SPATA3: variants seen among roughly 807,000 people sequenced by gnomAD.
SPATA3 encodes the protein spermatogenesis associated 3, also known as spermatogenesis-associated protein 3.
A neutral mutation model predicts 5.7 loss-of-function variants in SPATA3; 6 were observed. The ratio of observed to expected loss-of-function variants is 1.06; its 90% confidence interval spans 0.58 to 2.09. The LOEUF (loss-of-function observed/expected upper bound fraction) is 2.09. SPATA3 is among the 30% of genes most tolerant of loss of function. SPATA3 has a pLI of 0.00. For synonymous variants in SPATA3, 44 were observed against 48.4 expected, an observed-to-expected ratio of 0.91 and a Z score of 0.37; for missense variants, 155 against 130.4, an observed-to-expected ratio of 1.19 and a Z score of -0.92.
chr2:230,996,529 A>G (rs1692129738), intron 1 of SPATA3: 2 of 1,551,704 alleles, frequency 1.3e-6, no homozygotes, highest in Non-Finnish European at 8.7e-7. Flanking sequence ...CAATCCAGGA[A>G]AGCAGGTGGG....
chr2:230,999,489 AAGC>A (rs1176401023), intron 1 of SPATA3: 1 of 152,192 alleles, frequency 6.6e-6, no homozygotes, highest in Non-Finnish European at 1.5e-5. Context: ...GGGCAAGTCT[AAGC>A]AGAAAGTGTA....
At chr2:231,006,627 G>C (rs79664020), downstream of SPATA3, 1 of 152,250 alleles carries the variant, frequency 6.6e-6, no homozygotes, top group Non-Finnish European at 1.5e-5. Context: ...AGGGGAGGGC[G>C]ATGGAGGTGC....
At chr2:231,004,989 C>T (rs923350938), downstream of SPATA3, among the ~76,000 whole-genome samples, 40 of 85,494 alleles carry the variant, frequency 4.7e-4, no homozygotes, top group African/African-American at 1.7e-3. Flanking sequence ...ATCCTCATCA[C>T]CATCCTCACC....
At chr2:231,005,295 T>TCAC (rs1692542387), downstream of SPATA3, among the ~76,000 whole-genome samples, 1 of 48,562 alleles carries the variant, frequency 2.1e-5, no homozygotes, top group African/African-American at 8.7e-5. Flanking sequence ...ATCATCACCA[T>TCAC]CACCACCACC....
downstream of SPATA3, chr2:231,002,966 C>A: frequency 2.3e-6 from 1 of 434,934 alleles, no homozygotes; most frequent in Admixed American, 4.1e-5. Context: ...TAGGGAAGAC[C>A]TGATGCTCTC....
chr2:230,996,422 C>T (rs530890907), intron 1 of SPATA3: 1 of 1,552,288 alleles, frequency 6.4e-7, no homozygotes, highest in Non-Finnish European at 8.7e-7. Flanking sequence ...TTGAAACCAC[C>T]TCCCGGCAGC....
At chr2:231,000,866 G>A (rs1426593533) in intron 2 of SPATA3, among the ~76,000 whole-genome samples, 1 of 152,204 alleles carries the variant, frequency 6.6e-6, no homozygotes, top group Non-Finnish European at 1.5e-5. Context: ...GCCCTTCACA[G>A]AGTCGCTCAG....
downstream of SPATA3, among the ~76,000 whole-genome samples, chr2:231,009,705 G>A (rs1021748520): frequency 2.0e-5 from 3 of 152,176 alleles, no homozygotes; most frequent in Non-Finnish European, 2.9e-5. Context: ...TCATCCTGCC[G>A]AGTGCAGTTC....
At chr2:231,003,229 A>G (rs543070269), downstream of SPATA3, among the ~76,000 whole-genome samples, 1 of 152,254 alleles carries the variant, frequency 6.6e-6, no homozygotes, top group African/African-American at 2.4e-5. Flanking sequence ...CCCAACTTCA[A>G]TGACGTCTTC....
chr2:231,019,102 G>A (rs62193675), intron 6 of SPATA3, among the ~76,000 whole-genome samples: 11,026 of 148,608 alleles, frequency 0.074, 530 homozygotes, highest in Non-Finnish European at 0.1. Flanking sequence ...GAGTAGCTGC[G>A]ACTACAGGCG....
downstream of SPATA3, among the ~76,000 whole-genome samples, chr2:231,007,596 T>C (rs78168203): frequency 8.8e-3 from 1,339 of 152,362 alleles, 25 homozygotes; most frequent in African/African-American, 0.031. Context: ...ATAGGAGGAA[T>C]GTGCCGGTTC....
At chr2:231,006,019 AAAG>A (rs1474916436), downstream of SPATA3, among the ~76,000 whole-genome samples, 1 of 150,238 alleles carries the variant, frequency 6.7e-6, no homozygotes, top group Non-Finnish European at 1.5e-5. Flanking sequence ...AAAAAAAGAG[AAAG>A]AAGAAGAAAA....
At chr2:231,008,088 T>G (rs1692688535), downstream of SPATA3, among the ~76,000 whole-genome samples, 1 of 152,084 alleles carries the variant, frequency 6.6e-6, no homozygotes. Flanking sequence ...CAGTGGCCAT[T>G]GAGGGCAGCT....
chr2:231,002,808 C>T (rs901653297), downstream of SPATA3: 1 of 1,429,920 alleles, frequency 7.0e-7, no homozygotes, highest in African/African-American at 1.5e-5. Context: ...GAACAAGCCC[C>T]TAGGCCCACA....
chr2:230,997,427 C>A (rs924737737), intron 1 of SPATA3, among the ~76,000 whole-genome samples: 1 of 152,158 alleles, frequency 6.6e-6, no homozygotes, highest in Admixed American at 6.5e-5. Context: ...ATGTCTTTAT[C>A]AGCAGTGTGA....
At chr2:231,009,879 A>T (rs781241467), downstream of SPATA3, among the ~76,000 whole-genome samples, 6 of 152,234 alleles carry the variant, frequency 3.9e-5, no homozygotes, top group Non-Finnish European at 8.8e-5. Context: ...TTGTATTCAG[A>T]GTGTGGTATA....
At chr2:231,017,927 C>CA (rs780601772) in intron 6 of SPATA3, among the ~76,000 whole-genome samples, 5 of 134,516 alleles carry the variant, frequency 3.7e-5, no homozygotes, top group Non-Finnish European at 8.1e-5. Flanking sequence ...GATAGAGAAA[C>CA]TTTTTTTTTT....
At chr2:231,019,183 A>C (rs894169026) in intron 6 of SPATA3, among the ~76,000 whole-genome samples, 32 of 150,472 alleles carry the variant, frequency 2.1e-4, no homozygotes, top group South Asian at 6.3e-4. Flanking sequence ...GTTAGCCAGG[A>C]TGGTCTCGAT....
At chr2:231,005,595 T>TCAC (rs1692594494), downstream of SPATA3, among the ~76,000 whole-genome samples, 1 of 49,942 alleles carries the variant, frequency 2.0e-5, no homozygotes. Flanking sequence ...ATCCTCACCA[T>TCAC]CACCATCATC....
Sources: gnomAD v4.1 joint callset for allele counts (sites outside exome capture counted in the v4.1 genomes callset) on GRCh38, gnomAD v4.1.1 for gene constraint, MANE v1.5 for transcripts, NCBI Gene and HGNC (gene_info 2026-07-23, HGNC 2026-07-21) for gene names.